The following CA1 variants were observed in gnomAD, a reference collection of about 807,000 sequenced individuals.
CA1 encodes carbonate dehydratase I.
CA1 carries 27 observed loss-of-function variants against 28.8 expected under a neutral mutation model. The ratio of observed to expected loss-of-function variants is 0.94; its 90% CI spans 0.69 to 1.29. CA1 has a LOEUF of 1.29. CA1 is among the 50% of genes most tolerant of loss of function. The pLI is 0.00. For synonymous variants in CA1, 121 were observed against 108.8 expected (o/e 1.11, Z -0.70); for missense variants, 335 against 310.5 (o/e 1.08, Z -0.59).
At chr8:85,362,633 T>C (rs1380328420) in intron 1 of CA1, among the ~76,000 whole-genome samples, 1 of 152,052 alleles carries the variant, frequency 6.6e-6, no homozygotes, top group African/African-American at 2.4e-5. Flanking sequence ...AAAAGCAAAA[T>C]TGGGAGTATA....
chr8:85,341,277 A>G (rs1808913925), intron 2 of CA1: 1 of 249,906 alleles, frequency 4.0e-6, no homozygotes, highest in Non-Finnish European at 7.6e-6. Context: ...CATAGTGTAA[A>G]CATAACTTGT....
In CA1 at chr8:85,337,658, T is replaced by C. The variant is rs527396932; in HGVS notation, c.235+594A>G. Reference sequence around the variant, plus strand: ...GCATATAATACCAGACCTAATCTAATATTAATAATGGACATAGTCCCAAGG... The same window carrying C: ...GCATATAATACCAGACCTAATCTAACATTAATAATGGACATAGTCCCAAGG... On this transcript the variant is annotated intron_variant, in intron 3 of 7. Coordinates refer to ENST00000523022, the MANE Select transcript of CA1 (RefSeq NM_001128831.4). Among the ~76,000 whole-genome samples the C allele has an allele frequency of 5.3e-5, 8 of 152,308 alleles. No individual in the cohort carries two copies. In the East Asian group the frequency reaches 1.5e-3, roughly 29 times the overall value.
chr8:85,344,385 C>T (rs1809094795), intron 1 of CA1, among the ~76,000 whole-genome samples: 1 of 144,072 alleles, frequency 6.9e-6, no homozygotes. Context: ...TATTTATTAA[C>T]ACCAATTAAT....
intron 1 of CA1, among the ~76,000 whole-genome samples, chr8:85,377,281 T>G (rs1220207842): frequency 6.6e-6 from 1 of 152,194 alleles, no homozygotes; most frequent in Non-Finnish European, 1.5e-5. Context: ...TTTACTGGAA[T>G]TGCTTTAATT....
chr8:85,369,760 TGGTGG>T (rs150818664), intron 1 of CA1, among the ~76,000 whole-genome samples: 2,630 of 152,286 alleles, frequency 0.017, 85 homozygotes, highest in African/African-American at 0.06. Flanking sequence ...CCTGGCACTA[TGGTGG>T]GTTAATCTTG....
intron 6 of CA1, among the ~76,000 whole-genome samples, chr8:85,332,125 G>T (rs1045418998): frequency 5.9e-5 from 9 of 152,024 alleles, no homozygotes; most frequent in South Asian, 2.1e-4. Context: ...TCAAAAGAAT[G>T]CCCTTTACTT....
chr8:85,329,478 AT>A (rs1201162770), intron 7 of CA1, among the ~76,000 whole-genome samples: 17 of 150,972 alleles, frequency 1.1e-4, no homozygotes, highest in Admixed American at 2.0e-4. Context: ...GGCGGGAGTC[AT>A]TTTTTTTCTG....
At chr8:85,361,442 C>T (rs1485356594) in intron 1 of CA1, among the ~76,000 whole-genome samples, 3 of 152,114 alleles carry the variant, frequency 2.0e-5, no homozygotes, top group Non-Finnish European at 4.4e-5. Flanking sequence ...TTTGGGAAGC[C>T]GAAGCGGGAT....
rs554058287 is a variant in CA1, at chr8:85,348,618, A to G, written c.-24-6959T>C. Among the ~76,000 whole-genome samples, 249 of 152,312 alleles carry G rather than the reference A, an allele frequency of 1.6e-3. 1 individual carries two copies. The highest frequency in any genetic ancestry group is 6.8e-3 in the Middle Eastern group (2 of 294). On this transcript the variant is annotated intron_variant, in intron 1 of 7. Coordinates refer to ENST00000523022, the MANE Select transcript of CA1 (RefSeq NM_001128831.4). ...GAGTAAACAAAGACATGTAACGAGG[A>G]TGAAGTAGTATCTACAACGTTCCTT...
intron 2 of CA1, among the ~76,000 whole-genome samples, chr8:85,339,851 A>G (rs1808843468): frequency 6.6e-6 from 1 of 152,228 alleles, no homozygotes; most frequent in Non-Finnish European, 1.5e-5. Context: ...CCGAATCCTA[A>G]TGAGAGCAAG....
intron 1 of CA1, among the ~76,000 whole-genome samples, chr8:85,377,603 G>A (rs773494106): frequency 6.6e-6 from 1 of 152,252 alleles, no homozygotes; most frequent in African/African-American, 2.4e-5. Context: ...TCAGTAGTTC[G>A]AGACCAGCCT....
intron 1 of CA1, among the ~76,000 whole-genome samples, chr8:85,377,012 T>C (rs1810443660): frequency 6.6e-6 from 1 of 152,228 alleles, no homozygotes; most frequent in South Asian, 2.1e-4. Context: ...TATAAGAATG[T>C]TGAAGTTAGT....
At chr8:85,366,544 A>G (rs1485337629) in intron 1 of CA1, among the ~76,000 whole-genome samples, 3 of 152,208 alleles carry the variant, frequency 2.0e-5, no homozygotes, top group Non-Finnish European at 4.4e-5. Context: ...AAGTACTCCA[A>G]TAATTCATTT....
chr8:85,373,206 C>T (rs886602689), intron 1 of CA1, among the ~76,000 whole-genome samples: 12 of 152,138 alleles, frequency 7.9e-5, no homozygotes, highest in Admixed American at 4.6e-4. Flanking sequence ...TTCGTTAAGA[C>T]GGAAAAGACA....
At chr8:85,330,328 A>G (rs1394061417) in intron 6 of CA1, among the ~76,000 whole-genome samples, 1 of 152,108 alleles carries the variant, frequency 6.6e-6, no homozygotes, top group Non-Finnish European at 1.5e-5. Context: ...TTTGTATGCT[A>G]ATCTTTTATG....
Position 85,351,142 on chromosome 8 carries a change from C to T in CA1, c.-24-9483G>A, listed in dbSNP as rs754125692. On this transcript the variant is annotated intron_variant, in intron 1 of 7. Transcript: ENST00000523022. Reference sequence around the variant, plus strand: ...CTCCCCCAACTTCTGATACTACACACTTGCCAAATTGTTTGCTGATGAACA... The same window carrying T: ...CTCCCCCAACTTCTGATACTACACATTTGCCAAATTGTTTGCTGATGAACA... Among the ~76,000 whole-genome samples the T allele has an allele frequency of 2.0e-5, 3 of 152,228 alleles. No homozygotes were observed. The South Asian group carries it at 6.2e-4, about 32-fold the overall frequency.
At chr8:85,340,062 A>G (rs565702328) in intron 2 of CA1, among the ~76,000 whole-genome samples, 1 of 152,350 alleles carries the variant, frequency 6.6e-6, no homozygotes, top group East Asian at 1.9e-4. Flanking sequence ...TAACCAATGA[A>G]GGTGACTACA....
chr8:85,376,658 AAAATAAATAAATAAATAAAT>A (rs200425469), intron 1 of CA1, among the ~76,000 whole-genome samples: 417 of 140,136 alleles, frequency 3.0e-3, no homozygotes, highest in Admixed American at 5.3e-3. Flanking sequence ...AATTGTCTCA[AAAATAAATAAATAAATAAAT>A]AAATAAATAA....
intron 4 of CA1, among the ~76,000 whole-genome samples, chr8:85,336,567 G>A (rs1369525702): frequency 2.0e-5 from 3 of 152,170 alleles, no homozygotes; most frequent in African/African-American, 4.8e-5. Flanking sequence ...TGGCCACAAC[G>A]ATACTGCTGG....
Sources: gnomAD v4.1 joint callset for allele counts (sites outside exome capture counted in the v4.1 genomes callset) on GRCh38, gnomAD v4.1.1 for gene constraint, MANE v1.5 for transcripts, NCBI Gene and HGNC (gene_info 2026-07-23, HGNC 2026-07-21) for gene names.